Variants in ADAM10 observed in about 807,000 individuals in gnomAD.
ADAM10 encodes the protein disintegrin and metalloproteinase domain-containing protein 10.
Under a neutral mutation model 90.1 loss-of-function variants are expected in ADAM10, and 17 were observed. The ratio of observed to expected loss-of-function variants is 0.19; its 90% CI spans 0.13 to 0.28. The LOEUF (loss-of-function observed/expected upper bound fraction) is 0.28. Ranked by LOEUF, ADAM10 falls within the 10% of genes least tolerant of loss-of-function variation. The pLI, the probability that ADAM10 is intolerant of heterozygous loss-of-function variation, is 1.00. For missense variants in ADAM10, 610 were observed against 914.3 expected (o/e 0.67, Z 4.29); for synonymous variants, 310 against 298.6 (o/e 1.04, Z -0.40).
intron 1 of ADAM10, among the ~76,000 whole-genome samples, chr15:58,722,992 A>C (rs1343636214): frequency 1.3e-5 from 2 of 151,960 alleles, no homozygotes; most frequent in South Asian, 4.2e-4. Context: ...TCAGCCTCCC[A>C]AAGTGCTGGG....
intron 2 of ADAM10, among the ~76,000 whole-genome samples, chr15:58,715,219 C>T (rs1002279041): frequency 5.3e-5 from 8 of 151,808 alleles, no homozygotes; most frequent in African/African-American, 1.7e-4. Flanking sequence ...ATCAGGAGTT[C>T]GAGACCAGCC....
intron 1 of ADAM10, among the ~76,000 whole-genome samples, chr15:58,742,271 T>C (rs1375258977): frequency 1.3e-5 from 2 of 152,212 alleles, no homozygotes; most frequent in African/African-American, 4.8e-5. Context: ...ACCAACTTAC[T>C]ATGATTCGTA....
At chr15:58,686,910 A>G (rs571598728) in intron 2 of ADAM10, among the ~76,000 whole-genome samples, 1 of 152,330 alleles carries the variant, frequency 6.6e-6, no homozygotes, top group East Asian at 1.9e-4. Flanking sequence ...CACCTCTTTC[A>G]TAAGTGAGTT....
At position 58,613,122 on chromosome 15, in the gene ADAM10, A is replaced by C. The variant is rs116673755; in HGVS notation, c.1512-1131T>G. Among the ~76,000 whole-genome samples, 1,433 of 152,296 alleles carry C rather than the reference A, an allele frequency of 9.4e-3. 31 individuals carry two copies. The highest frequency in any genetic ancestry group is 0.033 in the African/African-American group (1,371 of 41,558). On this transcript the variant is annotated intron_variant, in intron 11 of 15. Coordinates refer to ENST00000260408, the MANE Select transcript of ADAM10 (RefSeq NM_001110.4). ...TTGCCACTGAGGACATTAACAACCT[A>C]CACCACCAGCATCCATTACCACAAA...
intron 5 of ADAM10, among the ~76,000 whole-genome samples, chr15:58,662,274 A>AAGTAGCTTCTACTCTAGGGCT (rs1896986129): frequency 6.6e-6 from 1 of 152,208 alleles, no homozygotes; most frequent in African/African-American, 2.4e-5. Context: ...GGCAGGTCTG[A>AAGTAGCTTCTACTCTAGGGCT]AGTAGCTTCT....
In ADAM10 at chr15:58,675,142, G is replaced by T. The variant is rs541585205; in HGVS notation, c.484+3982C>A. On this transcript the variant is annotated intron_variant, in intron 4 of 15. Coordinates refer to ENST00000260408, the MANE Select transcript of ADAM10 (RefSeq NM_001110.4). ...GAACCCAGAAGGCGGAGGTTGCAGT[G>T]AGCTGAGATGGCACCACTGCACTCC... is the stretch of plus-strand genomic sequence containing the variant. Among the ~76,000 whole-genome samples the T allele has an allele frequency of 2.6e-5, 4 of 152,338 alleles. No individual in the cohort carries two copies. The East Asian group carries it at 7.7e-4, about 29-fold the overall frequency.
intron 1 of ADAM10, among the ~76,000 whole-genome samples, chr15:58,725,141 G>C (rs755083860): frequency 6.6e-6 from 1 of 151,954 alleles, no homozygotes; most frequent in Non-Finnish European, 1.5e-5. Context: ...AGTAAGCTAT[G>C]ATCGTGCCAC....
chr15:58,721,301 G>C (rs564168223), intron 1 of ADAM10, among the ~76,000 whole-genome samples: 2 of 152,164 alleles, frequency 1.3e-5, no homozygotes, highest in South Asian at 4.2e-4. Context: ...GGTTTAATTG[G>C]GAAAGCTAAA....
chr15:58,640,665 T>C, intron 8 of ADAM10, 112 bp downstream of exon 8: 2 of 1,019,180 alleles, frequency 2.0e-6, no homozygotes, highest in Non-Finnish European at 2.9e-6. Context: ...TAGCATAAAT[T>C]AGGATATTAT....
chr15:58,698,370 G>A (rs1341655969), intron 2 of ADAM10: 2 of 385,802 alleles, frequency 5.2e-6, no homozygotes, highest in Non-Finnish European at 1.0e-5. Context: ...CCAGGAGTTT[G>A]AGACCAGCCT....
intron 1 of ADAM10, among the ~76,000 whole-genome samples, chr15:58,736,300 G>A (rs1567018910): frequency 6.6e-6 from 1 of 152,170 alleles, no homozygotes; most frequent in African/African-American, 2.4e-5. Flanking sequence ...CACCTACACA[G>A]AAAAGCGCAC....
intron 2 of ADAM10, among the ~76,000 whole-genome samples, chr15:58,688,863 G>T (rs1897690816): frequency 6.9e-6 from 1 of 144,540 alleles, no homozygotes; most frequent in African/African-American, 2.6e-5. Flanking sequence ...TGAAGACAGG[G>T]TAACAAAAAC....
At chr15:58,671,721 T>C (rs8032140) in intron 4 of ADAM10, among the ~76,000 whole-genome samples, 66,787 of 151,990 alleles carry the variant, frequency 0.44, 17,284 homozygotes, top group African/African-American at 0.7. Context: ...AATAAATATA[T>C]ATATTTTTTA....
chr15:58,680,639 G>C (rs1163951980), intron 3 of ADAM10, among the ~76,000 whole-genome samples: 2 of 152,124 alleles, frequency 1.3e-5, no homozygotes, highest in African/African-American at 4.8e-5. Context: ...ATGACATAAA[G>C]GGTGAAAGTA....
At chr15:58,713,880 T>G (rs1181355587) in intron 2 of ADAM10, among the ~76,000 whole-genome samples, 5 of 151,946 alleles carry the variant, frequency 3.3e-5, no homozygotes, top group African/African-American at 1.2e-4. Context: ...TGGCGTGATC[T>G]CGGCTCACTG....
chr15:58,726,567 CAAAAAA>C lies in ADAM10; in HGVS notation c.56-8846_56-8841del, dbSNP rs71116593. Among the ~76,000 whole-genome samples the C allele has an allele frequency of 1.9e-3, 39 of 20,776 alleles. 1 individual carries two copies. Among genetic ancestry groups the C allele is most frequent in the South Asian group, 9.8e-3 (2 of 204 alleles). 13.6% of individuals were successfully genotyped at this position (20,776 alleles called of 152,430 possible). On this transcript the variant is annotated intron_variant, in intron 1 of 15. Transcript: ENST00000260408. ...GCGACAGAGCGAGACCTCAGTCTCC[CAAAAAA>C]AAAAAAAAAAAAAAAAAAAGTATAT...
At chr15:58,614,370 G>A (rs1470455555) in intron 11 of ADAM10, among the ~76,000 whole-genome samples, 1 of 151,900 alleles carries the variant, frequency 6.6e-6, no homozygotes, top group East Asian at 1.9e-4. Flanking sequence ...TCTTCCTTGA[G>A]GATTTATAGT....
intron 8 of ADAM10, among the ~76,000 whole-genome samples, chr15:58,635,369 T>G (rs1460559295): frequency 6.6e-6 from 1 of 151,464 alleles, no homozygotes; most frequent in East Asian, 1.9e-4. Context: ...AGGTGATGTA[T>G]ATGCACATTA....
At chr15:58,699,020 C>A (rs1898057083) in intron 2 of ADAM10, among the ~76,000 whole-genome samples, 1 of 152,034 alleles carries the variant, frequency 6.6e-6, no homozygotes, top group Admixed American at 6.6e-5. Flanking sequence ...AAGTCAAAGA[C>A]AAAGAGAGAA....
Sources: gnomAD v4.1 joint callset for allele counts (sites outside exome capture counted in the v4.1 genomes callset) on GRCh38, gnomAD v4.1.1 for gene constraint, MANE v1.5 for transcripts, NCBI Gene and HGNC (gene_info 2026-07-23, HGNC 2026-07-21) for gene names.